Variants in MAGI2 observed in about 807,000 individuals in gnomAD.
The protein encoded by MAGI2 is membrane-associated guanylate kinase, WW and PDZ domain-containing protein 2.
Under a neutral mutation model 133.3 loss-of-function variants are expected in MAGI2, and 35 were observed. That is an observed-to-expected ratio of 0.26 (90% CI 0.20 to 0.35). MAGI2 has a LOEUF of 0.35. MAGI2 is among the 10% of genes least tolerant of loss of function. MAGI2 has a pLI of 1.00. For synonymous variants in MAGI2, 729 were observed against 710.6 expected, an observed-to-expected ratio of 1.03 and a Z score of -0.41; for missense variants, 1,636 against 1,863.4, an observed-to-expected ratio of 0.88 and a Z score of 2.25.
chr7:78,282,487 C>G (rs1023735600), intron 9 of MAGI2, among the ~76,000 whole-genome samples: 96 of 152,224 alleles, frequency 6.3e-4, no homozygotes, highest in African/African-American at 2.3e-3. Context: ...TGAAATGTTG[C>G]ATCAGAGACC....
chr7:78,919,149 C>CTGTGTCTTTGTAATGTAGTCTTGTTA (rs1799032769), intron 2 of MAGI2, among the ~76,000 whole-genome samples: 1 of 152,052 alleles, frequency 6.6e-6, no homozygotes, highest in Non-Finnish European at 1.5e-5. Flanking sequence ...CATTATTTCT[C>CTGTGTCTTTGTAATGTAGTCTTGTTA]CATTTTCACT....
chr7:78,666,610 C>T (rs1466984574), intron 2 of MAGI2, among the ~76,000 whole-genome samples: 4 of 152,174 alleles, frequency 2.6e-5, no homozygotes, highest in African/African-American at 9.6e-5. Context: ...TCATCTTCAG[C>T]TGACATCTGT....
chr7:78,037,744 C>G (rs1438750952), intron 21 of MAGI2, among the ~76,000 whole-genome samples: 2 of 152,138 alleles, frequency 1.3e-5, no homozygotes, highest in African/African-American at 4.8e-5. Context: ...TGTCAGCAAC[C>G]CCTGCAGAGA....
chr7:79,148,392 T>G (rs1393846553), intron 1 of MAGI2, among the ~76,000 whole-genome samples: 2 of 152,218 alleles, frequency 1.3e-5, no homozygotes, highest in African/African-American at 4.8e-5. Context: ...TGTCAGTCAC[T>G]GGCCTTCACT....
intron 3 of MAGI2, chr7:78,615,441 T>G: frequency 6.6e-6 from 1 of 152,180 alleles, no homozygotes; most frequent in East Asian, 1.9e-4. Flanking sequence ...ATGGAGACCA[T>G]TTACTCTCAT....
chr7:78,304,933 AGT>A (rs969103914), intron 9 of MAGI2, among the ~76,000 whole-genome samples: 2 of 152,188 alleles, frequency 1.3e-5, no homozygotes, highest in Non-Finnish European at 2.9e-5. Flanking sequence ...TCAGGAGACC[AGT>A]GTGTGTGGAA....
At chr7:78,886,994 A>C (rs1796324688) in intron 2 of MAGI2, among the ~76,000 whole-genome samples, 1 of 152,048 alleles carries the variant, frequency 6.6e-6, no homozygotes, top group Non-Finnish European at 1.5e-5. Flanking sequence ...TTTGCTGGGC[A>C]CTTCTCCTTC....
At position 78,283,229 on chromosome 7, in the gene MAGI2, C is replaced by T. The variant is rs559749720; in HGVS notation, c.1409-26648G>A. The stretch of plus-strand genomic sequence containing the variant: ...ACAGAGGAAAAGTTTTCTGAAATTA[C>T]GTATCTCAAGAGTCAAAGCTTGAAA... On this transcript the variant is annotated intron_variant, in intron 9 of 21. Coordinates refer to ENST00000354212, the MANE Select transcript of MAGI2 (RefSeq NM_012301.4). Among the ~76,000 whole-genome samples, 35 of 152,182 alleles carry T rather than the reference C, an allele frequency of 2.3e-4. No homozygotes were observed. In the Middle Eastern group the frequency reaches 0.01, roughly 44 times the overall value.
chr7:79,080,918 C>G (rs1351237466), intron 1 of MAGI2, among the ~76,000 whole-genome samples: 1 of 152,042 alleles, frequency 6.6e-6, no homozygotes, highest in Admixed American at 6.6e-5. Flanking sequence ...CACTAAAATC[C>G]ATTGTCCACA....
intron 1 of MAGI2, among the ~76,000 whole-genome samples, chr7:79,349,637 G>A (rs1841562222): frequency 6.6e-6 from 1 of 151,950 alleles, no homozygotes; most frequent in South Asian, 2.1e-4. Context: ...GTGCTAGAAG[G>A]CGAACCCAGA....
At chr7:79,350,881 G>T (rs752971507) in intron 1 of MAGI2, among the ~76,000 whole-genome samples, 1 of 152,048 alleles carries the variant, frequency 6.6e-6, no homozygotes, top group Non-Finnish European at 1.5e-5. Flanking sequence ...GGAAATGAGG[G>T]AAATCTATGT....
At chr7:78,868,840 G>A (rs112236249) in intron 2 of MAGI2, among the ~76,000 whole-genome samples, 74 of 151,872 alleles carry the variant, frequency 4.9e-4, no homozygotes, top group African/African-American at 1.6e-3. Context: ...TGCAAGCTCC[G>A]CCTCCCGGGT....
intron 3 of MAGI2, among the ~76,000 whole-genome samples, chr7:78,528,990 T>C (rs563368596): frequency 1.3e-5 from 2 of 152,172 alleles, no homozygotes; most frequent in Non-Finnish European, 2.9e-5. Context: ...TGTTTGTTTT[T>C]TTTTTCATAC....
chr7:78,869,311 A>T (rs945135771), intron 2 of MAGI2, among the ~76,000 whole-genome samples: 10 of 152,208 alleles, frequency 6.6e-5, no homozygotes, highest in Admixed American at 3.3e-4. Context: ...GCCAACATCT[A>T]GAAGAGTTTT....
At chr7:78,128,259 C>T (rs985892856) in intron 18 of MAGI2, among the ~76,000 whole-genome samples, 12 of 152,086 alleles carry the variant, frequency 7.9e-5, no homozygotes, top group African/African-American at 2.9e-4. Flanking sequence ...GAGGGGGTTA[C>T]TAGTTTCAAA....
chr7:78,623,558 T>C (rs1042814554), intron 3 of MAGI2, among the ~76,000 whole-genome samples: 8 of 152,104 alleles, frequency 5.3e-5, no homozygotes, highest in Admixed American at 1.3e-4. Flanking sequence ...ATGAAGAAGG[T>C]ACAGCACTAA....
intron 3 of MAGI2, among the ~76,000 whole-genome samples, chr7:78,564,044 G>T (rs1001551856): frequency 1.3e-5 from 2 of 152,032 alleles, no homozygotes; most frequent in Admixed American, 6.5e-5. Flanking sequence ...TATGATAAAA[G>T]GGAAACTGTA....
At chr7:79,394,119 G>A (rs1844871223) in intron 1 of MAGI2, among the ~76,000 whole-genome samples, 1 of 152,088 alleles carries the variant, frequency 6.6e-6, no homozygotes, top group Non-Finnish European at 1.5e-5. Flanking sequence ...ATCCCAGATG[G>A]AAGTAGCCCG....
At chr7:79,170,720 T>C (rs1254414714) in intron 1 of MAGI2, among the ~76,000 whole-genome samples, 3 of 152,072 alleles carry the variant, frequency 2.0e-5, no homozygotes, top group African/African-American at 7.2e-5. Context: ...AAGGATGCCA[T>C]TGAGATTCTT....
Sources: gnomAD v4.1 joint callset for allele counts (sites outside exome capture counted in the v4.1 genomes callset) on GRCh38, gnomAD v4.1.1 for gene constraint, MANE v1.5 for transcripts, NCBI Gene and HGNC (gene_info 2026-07-23, HGNC 2026-07-21) for gene names.